Variants in SBNO2 observed in about 807,000 individuals in gnomAD.
The protein encoded by SBNO2 is strawberry notch homolog 2.
Under a neutral mutation model 146.3 loss-of-function variants are expected in SBNO2, and 89 were observed. That is an observed-to-expected ratio of 0.61 (90% confidence interval 0.51 to 0.73). The LOEUF is 0.73. Among genes scored for constraint, SBNO2 ranks in the 30% least tolerant of loss-of-function variants. The pLI is 0.00. For missense variants in SBNO2, 2,092 were observed against 2,003.7 expected (o/e 1.04, Z -0.84); for synonymous variants, 1,147 against 892.6 (o/e 1.29, Z -5.08).
chr19:1,147,392 C>A lies in SBNO2; in HGVS notation c.196G>T (p.Gly66Cys). 1 of 1,464,762 alleles carries A rather than the reference C, an allele frequency of 6.8e-7. No individual in the cohort carries two copies. Among genetic ancestry groups the A allele is most frequent in the Non-Finnish European group, 9.0e-7 (1 of 1,111,044 alleles). The allele number at this position is 1,464,762 out of a possible 1,614,324, so 90.7% of individuals were successfully genotyped here. The change falls in exon 4 of 32, where the codon GGC (glycine) becomes TGC (cysteine). Residue 66 changes from glycine to cysteine, a missense_variant. Physicochemically the swap from Gly to Cys is radical, Grantham distance 159. Transcript: ENST00000361757. ...CTGGTGTCTGGGCAGGGCTGGCTGC[C>A]GAGGAAGGAGGCGGAGCTCATGAAC... ...RPFMSSASFL[G>C]SQPCPDTSYA...
chr19:1,132,253 C>T, intron 4 of SBNO2: 1 of 1,310,268 alleles, frequency 7.6e-7, no homozygotes, highest in South Asian at 2.0e-5. Context: ...GGCGGCTCTC[C>T]GCCCGGCTGC....
intron 5 of SBNO2, 75 bp downstream of exon 5, chr19:1,127,529 T>C (rs1262495972): frequency 1.4e-6 from 2 of 1,411,400 alleles, no homozygotes; most frequent in African/African-American, 1.4e-5. Flanking sequence ...GAGACCTCAC[T>C]GGACCGTGTG....
intron 1 of SBNO2, among the ~76,000 whole-genome samples, chr19:1,169,608 C>T (rs2080458724): frequency 6.6e-6 from 1 of 152,214 alleles, no homozygotes; most frequent in African/African-American, 2.4e-5. Context: ...GTGATGCCAT[C>T]ACTGTTGCCG....
intron 17 of SBNO2, 110 bp from the exon 18 acceptor site, chr19:1,114,532 C>G (rs1447431179): frequency 4.5e-6 from 4 of 887,576 alleles, no homozygotes; most frequent in Non-Finnish European, 6.4e-6. Flanking sequence ...TGGGGAGGTC[C>G]ATCCGAGAAC....
rs1474154933 is a variant in SBNO2, at chr19:1,110,494, C to T, written c.3028+251G>A. Among the ~76,000 whole-genome samples, 2 of 151,986 alleles carry T rather than the reference C, an allele frequency of 1.3e-5. No individual in the cohort carries two copies. Among genetic ancestry groups the T allele is most frequent in the Non-Finnish European group, 2.9e-5 (2 of 67,952 alleles). ...AGGATGCATGGCGCTTCCACGAGCC[C>T]CTTGCCCACCTAGGCCCTCGCCGTG... On this transcript the variant is annotated intron_variant, in intron 26 of 31. Transcript: ENST00000361757. This position sits in a 1 kb window ranked among gnomAD's most constrained non-coding sequence, Gnocchi z 4.9.
Position 1,127,740 on chromosome 19 carries a change from G to C in SBNO2, c.305C>G (p.Ser102Cys), listed in dbSNP as rs1335487279. ...AQDSSYFEDFSNISIFSSSVD... is the reference protein window; with the variant it reads ...AQDSSYFEDFCNISIFSSSVD... ...GGACGAGGAGAAGATGGAGATGTTG[G>C]AGAAGTCCTCAAAATAGGAGGAGTC... The change falls in exon 5 of 32, where the codon TCC (serine) becomes TGC (cysteine). Residue 102 changes from serine (S) to cysteine (C), a missense_variant. Transcript: ENST00000361757. 3.1e-6 allele frequency: 5 copies of C among 1,613,592 alleles called. No homozygotes were observed. Among genetic ancestry groups the C allele is most frequent in the Non-Finnish European group, 4.2e-6 (5 of 1,179,840 alleles).
intron 1 of SBNO2, among the ~76,000 whole-genome samples, chr19:1,165,529 G>C (rs908464506): frequency 7.9e-5 from 12 of 152,128 alleles, no homozygotes; most frequent in Admixed American, 7.9e-4. Flanking sequence ...CCCAAGCCAG[G>C]AATGTGAGGC....
rs967459400 is a variant in SBNO2 at position 1,157,060 on chromosome 19, C to A, written c.-126-2658G>T. Among the ~76,000 whole-genome samples, 2 of 151,574 alleles carry A rather than the reference C, an allele frequency of 1.3e-5. No individual in the cohort carries two copies. The highest frequency in any genetic ancestry group is 2.9e-5 in the Non-Finnish European group (2 of 67,830). ...CCATATCTCACAACCCCTGCTGCCC[C>A]GATCCCCAGGCCCTCCCGCAGCCCC... On this transcript the variant is annotated intron_variant, in intron 1 of 31. Transcript: ENST00000361757. The surrounding 1 kb of genome is among the most constrained non-coding windows in gnomAD (Gnocchi z 6.8).
chr19:1,113,530 C>T lies in SBNO2; in HGVS notation c.2247+5G>A. 1 of 1,590,176 alleles carries T rather than the reference C, an allele frequency of 6.3e-7. No individual in the cohort carries two copies. The highest frequency in any genetic ancestry group is 1.1e-5 in the South Asian group (1 of 89,034). On this transcript the variant is annotated splice_donor_5th_base_variant and intron_variant, in intron 19 of 31. Transcript: ENST00000361757. Reference sequence around the variant, plus strand: ...ACCACACTCCAGCTGCCACGTCCCACCCACCTCCGCCACCCGCTGGGGGCC... The same window carrying T: ...ACCACACTCCAGCTGCCACGTCCCATCCACCTCCGCCACCCGCTGGGGGCC...
At chr19:1,151,492 C>T (rs540075498) in intron 2 of SBNO2, among the ~76,000 whole-genome samples, 46 of 152,358 alleles carry the variant, frequency 3.0e-4, no homozygotes, top group African/African-American at 1.1e-3. Context: ...ACCCGAGTCC[C>T]ACCCCACAGG....
rs542203643 is a variant in SBNO2, at chr19:1,109,838, G to A, written c.3029-61C>T. 2 of 1,302,930 alleles carry A rather than the reference G, an allele frequency of 1.5e-6. No individual in the cohort carries two copies. The highest frequency in any genetic ancestry group is 1.5e-5 in the African/African-American group (1 of 68,158). The allele number at this position is 1,302,930 out of a possible 1,614,324, so 80.7% of individuals were successfully genotyped here. On this transcript the variant is annotated intron_variant, in intron 26 of 31. Transcript: ENST00000361757. The surrounding 1 kb of genome is among the most constrained non-coding windows in gnomAD (Gnocchi z 4.2). Reference sequence around the variant, plus strand: ...CCTGGGACTGTGGGCTGGGGCCAGGGTCAGTCCCGTAGCCGGGGCGCACCC... The same window carrying A: ...CCTGGGACTGTGGGCTGGGGCCAGGATCAGTCCCGTAGCCGGGGCGCACCC...
chr19:1,116,940 G>C lies in SBNO2; in HGVS notation c.1705-14C>G, dbSNP rs747412603. 1.9e-6 allele frequency: 3 copies of C among 1,539,982 alleles called. No homozygotes were observed. The highest frequency in any genetic ancestry group is 2.6e-6 in the Non-Finnish European group (3 of 1,148,410). ...GATGACCACGCACTGTGGGACGGCA[G>C]AGGACTGTGAGCCACCAGCCCTGCT... is the stretch of plus-strand genomic sequence containing the variant. On this transcript the variant is annotated splice_polypyrimidine_tract_variant and intron_variant, in intron 15 of 31. Coordinates refer to ENST00000361757, the MANE Select transcript of SBNO2 (RefSeq NM_014963.3).
In SBNO2 at chr19:1,127,818, C is replaced by T. The variant is rs945217620; in HGVS notation, c.280-53G>A. 36 of 1,561,794 alleles carry T rather than the reference C, an allele frequency of 2.3e-5. 1 individual carries two copies. In the East Asian group the frequency reaches 6.1e-4, roughly 26 times the overall value. ...GGTGGTACGGGAGACACCAAGGCCC[C>T]TCCACGCACTGGAGCACGTGGGGAT... On this transcript the variant is annotated intron_variant, in intron 4 of 31. Transcript: ENST00000361757.
intron 4 of SBNO2, among the ~76,000 whole-genome samples, chr19:1,139,408 T>C (rs565634306): frequency 1.3e-5 from 2 of 152,106 alleles, no homozygotes; most frequent in South Asian, 4.1e-4. Context: ...TAGAATTACA[T>C]GGTGATGGCT....
rs111335925 is a variant in SBNO2, at chr19:1,159,375, G to A, written c.-126-4973C>T. Reference sequence around the variant, plus strand: ...CGCTTCGTCCCTCAACATGGAGCCCGGGGCAAGGGAGGCCTGAAGGGCTGG... The same window carrying A: ...CGCTTCGTCCCTCAACATGGAGCCCAGGGCAAGGGAGGCCTGAAGGGCTGG... On this transcript the variant is annotated intron_variant, in intron 1 of 31. Transcript: ENST00000361757. 1.5e-3 allele frequency among the ~76,000 whole-genome samples: 232 copies of A among 150,100 alleles called. 2 individuals are homozygous for A. The highest frequency in any genetic ancestry group is 5.4e-3 in the African/African-American group (220 of 40,654).
In SBNO2 at chr19:1,158,601, G is replaced by A. The variant is rs555780384; in HGVS notation, c.-126-4199C>T. Reference sequence around the variant, plus strand: ...TCTCAAGGCCTGCGCCAGCAAAGGCGGACATGGAGGTCTGAGGAGGAGGCG... The same window carrying A: ...TCTCAAGGCCTGCGCCAGCAAAGGCAGACATGGAGGTCTGAGGAGGAGGCG... On this transcript the variant is annotated intron_variant, in intron 1 of 31. Transcript: ENST00000361757. This position sits in a 1 kb window ranked among gnomAD's most constrained non-coding sequence, Gnocchi z 9.9. Among the ~76,000 whole-genome samples, 61 of 152,324 alleles carry A rather than the reference G, an allele frequency of 4.0e-4. No homozygotes were observed. The highest frequency in any genetic ancestry group is 1.3e-3 in the African/African-American group (52 of 41,576).
rs927446298 is a variant in SBNO2, at chr19:1,119,607, G to A, written c.1282C>T (p.Arg428Trp). 1.4e-5 allele frequency: 23 copies of A among 1,607,900 alleles called. No homozygotes were observed. Among genetic ancestry groups the A allele is most frequent in the Non-Finnish European group, 1.8e-5 (21 of 1,177,534 alleles). The change falls in exon 13 of 32, where the codon CGG becomes TGG. Residue 428 changes from arginine to tryptophan, a missense_variant. Arg to Trp is a moderately radical substitution (Grantham distance 101). Transcript: ENST00000361757. ...YASATGASEP[R>W]NMIYMSRLGI... ...AAGCGGCTCATGTAGATCATGTTCC[G>A]AGGCTCAGAGGCACCTGTGGGGGGA...
chr19:1,117,073 A>G (rs1341738337), intron 15 of SBNO2, 147 bp from the exon 16 acceptor site: 1 of 809,474 alleles, frequency 1.2e-6, no homozygotes, highest in Non-Finnish European at 1.9e-6. Flanking sequence ...CCCCTACAAC[A>G]CACACTGCTG....
At position 1,112,232 on chromosome 19, in the gene SBNO2, TC is replaced by T; in HGVS notation, c.2584del (p.Glu862SerfsTer18). 6.3e-7 allele frequency: 1 copy of T among 1,590,908 alleles called. No homozygotes were observed. ...YVFLISELAG[E>X]RRFASIVAKR... ...GGCCACGATGGAGGCGAACCGGCGC[TC>T]CCCGGCCAGCTCCGAGATGAGGAAG... On this transcript the variant is annotated frameshift_variant, in exon 22 of 32. Coordinates refer to ENST00000361757, the MANE Select transcript of SBNO2 (RefSeq NM_014963.3). LOFTEE classifies it high-confidence loss of function. This position sits in a 1 kb window ranked among gnomAD's most constrained non-coding sequence, Gnocchi z 5.9.
Sources: gnomAD v4.1 joint callset for allele counts (sites outside exome capture counted in the v4.1 genomes callset) on GRCh38, gnomAD v4.1.1 for gene constraint, Gnocchi (gnomAD v3.1) non-coding constraint, MANE v1.5 for transcripts, NCBI Gene and HGNC (gene_info 2026-07-23, HGNC 2026-07-21) for gene names.